The following GALNT18 variants were observed in gnomAD, a reference collection of about 807,000 sequenced individuals.
GALNT18 encodes polypeptide N-acetylgalactosaminyltransferase 18.
In GALNT18, 44 loss-of-function variants were observed where a neutral mutation model predicts 69.5. The ratio of observed to expected loss-of-function variants is 0.63; its 90% CI spans 0.50 to 0.81. The LOEUF is 0.81. Among genes scored for constraint, GALNT18 ranks in the 40% least tolerant of loss-of-function variants. GALNT18 has a pLI of 0.00. For missense variants in GALNT18, 715 were observed against 810.0 expected (o/e 0.88, Z 1.42); for synonymous variants, 364 against 318.2 (o/e 1.14, Z -1.53).
rs151335462 is a variant in GALNT18, at chr11:11,400,415, T to C, written c.596-21151A>G. Reference sequence around the variant, plus strand: ...TGTTCCTTCATATCCTTGAGGAAGGTTGCAAACTCAAAATGTGAGTAATCA... The same window carrying C: ...TGTTCCTTCATATCCTTGAGGAAGGCTGCAAACTCAAAATGTGAGTAATCA... On this transcript the variant is annotated intron_variant, in intron 3 of 10. Transcript: ENST00000227756. Among the ~76,000 whole-genome samples, 496 of 152,322 alleles carry C rather than the reference T, an allele frequency of 3.3e-3. 6 individuals carry two copies. Among genetic ancestry groups the C allele is most frequent in the South Asian group, 8.1e-3 (39 of 4,822 alleles).
At chr11:11,483,743 G>A (rs1387034725) in intron 1 of GALNT18, among the ~76,000 whole-genome samples, 2 of 152,210 alleles carry the variant, frequency 1.3e-5, no homozygotes, top group South Asian at 2.1e-4. Flanking sequence ...CCTTGGTGAC[G>A]CTAATGAGCT....
chr11:11,398,605 C>T (rs1335606583), intron 3 of GALNT18, among the ~76,000 whole-genome samples: 1 of 152,204 alleles, frequency 6.6e-6, no homozygotes, highest in Non-Finnish European at 1.5e-5. Context: ...TGAACACATA[C>T]ACAGTGCCTG....
intron 3 of GALNT18, among the ~76,000 whole-genome samples, chr11:11,409,816 G>A (rs113942773): frequency 3.3e-5 from 5 of 152,162 alleles, no homozygotes; most frequent in African/African-American, 9.7e-5. Flanking sequence ...TGAGTCTCAG[G>A]TCTTCTTTCC....
chr11:11,431,340 C>T (rs1299178344), intron 3 of GALNT18, among the ~76,000 whole-genome samples: 1 of 152,130 alleles, frequency 6.6e-6, no homozygotes, highest in East Asian at 1.9e-4. Flanking sequence ...GCATTAGTCA[C>T]TAGGGAATGG....
chr11:11,440,963 G>A (rs999073983), intron 2 of GALNT18, among the ~76,000 whole-genome samples: 6 of 152,174 alleles, frequency 3.9e-5, no homozygotes, highest in Non-Finnish European at 7.3e-5. Flanking sequence ...CTCGGAAAGT[G>A]GGGAACCAGG....
At chr11:11,611,478 C>A (rs961276580) in intron 1 of GALNT18, among the ~76,000 whole-genome samples, 1 of 152,114 alleles carries the variant, frequency 6.6e-6, no homozygotes, top group Non-Finnish European at 1.5e-5. Flanking sequence ...AGACCGGATG[C>A]GGCACCATCA....
Position 11,470,025 on chromosome 11 carries a change from G to A in GALNT18, c.236-21089C>T, listed in dbSNP as rs1374557896. Among the ~76,000 whole-genome samples the A allele has an allele frequency of 1.3e-5, 2 of 152,180 alleles. No homozygotes were observed. The highest frequency in any genetic ancestry group is 4.8e-5 in the African/African-American group (2 of 41,440). ...TTGCCTTTGTAACTGCTTCCCATAG[G>A]AACCTTTAGAGAAAGACTGTCCCTC... On this transcript the variant is annotated intron_variant, in intron 1 of 10. Transcript: ENST00000227756. The surrounding 1 kb of genome is among the most constrained non-coding windows in gnomAD (Gnocchi z 4.8).
chr11:11,498,689 C>A (rs770282557), intron 1 of GALNT18, among the ~76,000 whole-genome samples: 3 of 152,178 alleles, frequency 2.0e-5, no homozygotes, highest in Non-Finnish European at 2.9e-5. Context: ...GTCCCAGCTA[C>A]TGGGGAGGCT....
At chr11:11,302,440 C>A (rs1332386570) in intron 9 of GALNT18, among the ~76,000 whole-genome samples, 1 of 152,222 alleles carries the variant, frequency 6.6e-6, no homozygotes, top group Non-Finnish European at 1.5e-5. Flanking sequence ...TCTGCCACTG[C>A]TCCTCCCTTT....
chr11:11,355,638 A>G (rs1348312433), intron 6 of GALNT18, among the ~76,000 whole-genome samples: 1 of 152,156 alleles, frequency 6.6e-6, no homozygotes. Flanking sequence ...AATCCCAAAT[A>G]AGTATCTGTC....
At chr11:11,575,620 GCT>G (rs1858906565) in intron 1 of GALNT18, among the ~76,000 whole-genome samples, 1 of 152,212 alleles carries the variant, frequency 6.6e-6, no homozygotes, top group Non-Finnish European at 1.5e-5. Flanking sequence ...TGGAACTCCT[GCT>G]CTCTGTTTTC....
intron 1 of GALNT18, among the ~76,000 whole-genome samples, chr11:11,579,323 G>T (rs756880247): frequency 5.3e-5 from 8 of 152,196 alleles, no homozygotes; most frequent in Non-Finnish European, 8.8e-5. Flanking sequence ...GTTTGACCAG[G>T]ACTAGAAGAT....
intron 2 of GALNT18, among the ~76,000 whole-genome samples, chr11:11,440,444 A>G (rs538226832): frequency 6.6e-6 from 1 of 152,324 alleles, no homozygotes; most frequent in Non-Finnish European, 1.5e-5. Context: ...GGGGCAGGGC[A>G]GATCTGCTGG....
At chr11:11,441,958 T>C (rs1855540100) in intron 2 of GALNT18, among the ~76,000 whole-genome samples, 1 of 152,216 alleles carries the variant, frequency 6.6e-6, no homozygotes, top group African/African-American at 2.4e-5. Flanking sequence ...ACTGTCTTGT[T>C]TTCCTAATAC....
chr11:11,393,565 G>A (rs1005940460), intron 3 of GALNT18, among the ~76,000 whole-genome samples: 1 of 152,380 alleles, frequency 6.6e-6, no homozygotes, highest in Admixed American at 6.5e-5. Flanking sequence ...CCTTGCATAT[G>A]CTTTTCTCTT....
Position 11,315,795 on chromosome 11 carries a change from C to T in GALNT18, c.1512+11291G>A, listed in dbSNP as rs1424633201. 1.3e-5 allele frequency among the ~76,000 whole-genome samples: 2 copies of T among 152,134 alleles called. No homozygotes were observed. Among genetic ancestry groups the T allele is most frequent in the Non-Finnish European group, 2.9e-5 (2 of 68,038 alleles). On this transcript the variant is annotated intron_variant, in intron 9 of 10. Coordinates refer to ENST00000227756, the MANE Select transcript of GALNT18 (RefSeq NM_198516.3). The surrounding 1 kb of genome is among the most constrained non-coding windows in gnomAD (Gnocchi z 5.6). The stretch of plus-strand genomic sequence containing the variant: ...ACGGGCAGAACTGGGCCTGGACCCC[C>T]AGCCCTTATCTGACCTCATGTCCAC...
intron 1 of GALNT18, among the ~76,000 whole-genome samples, chr11:11,460,833 T>A (rs1856025372): frequency 6.6e-6 from 1 of 152,200 alleles, no homozygotes; most frequent in African/African-American, 2.4e-5. Flanking sequence ...TTGCTTTTAT[T>A]TGGGGAGGGG....
chr11:11,419,522 A>G (rs1048561859), intron 3 of GALNT18, among the ~76,000 whole-genome samples: 7 of 144,320 alleles, frequency 4.9e-5, no homozygotes, highest in African/African-American at 1.8e-4. Flanking sequence ...GCTTGAACCC[A>G]GGAGGCAGAG....
chr11:11,431,285 A>G (rs1855257047), intron 3 of GALNT18, among the ~76,000 whole-genome samples: 1 of 151,662 alleles, frequency 6.6e-6, no homozygotes, highest in African/African-American at 2.4e-5. Flanking sequence ...GGCCTAGGTG[A>G]AGTCCAGGGA....
Sources: allele counts gnomAD v4.1 joint callset (sites outside exome capture counted in the v4.1 genomes callset), GRCh38; gene constraint gnomAD v4.1.1; non-coding constraint Gnocchi (gnomAD v3.1); transcripts MANE v1.5; gene names NCBI Gene and HGNC (gene_info 2026-07-23, HGNC 2026-07-21).